STX8: variants seen among roughly 807,000 people sequenced by gnomAD.
STX8 encodes the protein syntaxin 8.
Under a neutral mutation model 37.5 loss-of-function variants are expected in STX8, and 23 were observed. The observed-to-expected ratio is 0.61, with a 90% CI of 0.44 to 0.87. The LOEUF is 0.87. Ranked by LOEUF, STX8 falls within the 40% of genes least tolerant of loss-of-function variation. The pLI is 0.00. For missense variants in STX8, 313 were observed against 284.7 expected, an observed-to-expected ratio of 1.10 and a Z score of -0.71; for synonymous variants, 115 against 99.1, an observed-to-expected ratio of 1.16 and a Z score of -0.95.
chr17:9,302,403 G>A (rs1315471799), intron 7 of STX8, among the ~76,000 whole-genome samples: 2 of 152,026 alleles, frequency 1.3e-5, no homozygotes, highest in Non-Finnish European at 2.9e-5. Flanking sequence ...CAAATGCACT[G>A]ACCTCTTAGT....
In STX8 at chr17:9,468,273, C is replaced by A. The variant is rs1226754237; in HGVS notation, c.541+23556G>T. Among the ~76,000 whole-genome samples, 27 of 152,034 alleles carry A rather than the reference C, an allele frequency of 1.8e-4. 1 individual carries two copies. The highest frequency in any genetic ancestry group is 1.0e-4 in the Non-Finnish European group (7 of 68,002). On this transcript the variant is annotated intron_variant, in intron 6 of 7. Transcript: ENST00000306357. Reference sequence around the variant, plus strand: ...TACAGGCGTGCACCACCGCACCCGGCTAATTTTTGTATTTTTAGTAAACAC... The same window carrying A: ...TACAGGCGTGCACCACCGCACCCGGATAATTTTTGTATTTTTAGTAAACAC...
chr17:9,469,426 C>T (rs1905756466), intron 6 of STX8, among the ~76,000 whole-genome samples: 1 of 151,940 alleles, frequency 6.6e-6, no homozygotes, highest in Admixed American at 6.6e-5. Context: ...TCTTCCTTTC[C>T]ATAGAAAACT....
chr17:9,420,338 G>C (rs1420411509), intron 6 of STX8, among the ~76,000 whole-genome samples: 1 of 152,134 alleles, frequency 6.6e-6, no homozygotes, highest in Non-Finnish European at 1.5e-5. Flanking sequence ...CTCAGCAGGT[G>C]TTCTCATCAA....
In STX8 at chr17:9,295,959, G is replaced by A. The variant is rs1433660713; in HGVS notation, c.644-45314C>T. On this transcript the variant is annotated intron_variant, in intron 7 of 7. Coordinates refer to ENST00000306357, the MANE Select transcript of STX8 (RefSeq NM_004853.3). ...TAATCCCAGCACTTTGGGAGGCCAA[G>A]GCGGGCGGATCACGAGGTCAGGAGA... Among the ~76,000 whole-genome samples the A allele has an allele frequency of 2.0e-5, 3 of 151,888 alleles. 1 individual carries two copies. The highest frequency in any genetic ancestry group is 7.2e-5 in the African/African-American group (3 of 41,424).
chr17:9,345,571 A>T (rs1242536244), intron 7 of STX8, among the ~76,000 whole-genome samples: 1 of 152,090 alleles, frequency 6.6e-6, no homozygotes, highest in East Asian at 1.9e-4. Flanking sequence ...ATATTTTTAA[A>T]ATTTTTTATT....
At chr17:9,547,024 C>T (rs568579410) in intron 3 of STX8, among the ~76,000 whole-genome samples, 8 of 151,210 alleles carry the variant, frequency 5.3e-5, no homozygotes, top group African/African-American at 1.2e-4. Flanking sequence ...CTGAAGTGGG[C>T]GGATCACAAG....
In STX8 at chr17:9,254,482, G is replaced by A. The variant is rs552741941; in HGVS notation, c.644-3837C>T. ...GTGATCTTGGCTCACTGCAGCCTCC[G>A]CCTCCTGGGTTCAAGCAATTCTCCT... is the stretch of plus-strand genomic sequence containing the variant. On this transcript the variant is annotated intron_variant, in intron 7 of 7. Transcript: ENST00000306357. Among the ~76,000 whole-genome samples, 9 of 151,844 alleles carry A rather than the reference G, an allele frequency of 5.9e-5. No individual in the cohort carries two copies. In the South Asian group the frequency reaches 8.3e-4, roughly 14 times the overall value.
chr17:9,358,294 C>G (rs1910948286), intron 7 of STX8, among the ~76,000 whole-genome samples: 1 of 152,166 alleles, frequency 6.6e-6, no homozygotes, highest in Non-Finnish European at 1.5e-5. Flanking sequence ...GATAGCTTAG[C>G]ACAGAGGTAT....
At chr17:9,476,825 T>C (rs1373435422) in intron 6 of STX8, among the ~76,000 whole-genome samples, 1 of 152,106 alleles carries the variant, frequency 6.6e-6, no homozygotes, top group Non-Finnish European at 1.5e-5. Context: ...GCCCTCTGCA[T>C]GTGTCTGTGT....
intron 4 of STX8, among the ~76,000 whole-genome samples, chr17:9,529,695 C>G (rs1255413135): frequency 6.6e-6 from 1 of 152,162 alleles, no homozygotes; most frequent in South Asian, 2.1e-4. Flanking sequence ...TGTCTGAGAT[C>G]CATCCATAGT....
intron 7 of STX8, among the ~76,000 whole-genome samples, chr17:9,315,326 T>C: frequency 6.6e-6 from 1 of 151,016 alleles, no homozygotes; most frequent in African/African-American, 2.4e-5. Context: ...TTTTGAGACT[T>C]GCTCCACTGC....
chr17:9,274,302 A>G (rs577438817), intron 7 of STX8, among the ~76,000 whole-genome samples: 1 of 152,268 alleles, frequency 6.6e-6, no homozygotes, highest in South Asian at 2.1e-4. Context: ...GGCTTTGTTC[A>G]TAACTTCCTG....
chr17:9,531,021 T>G (rs899771813), intron 4 of STX8, among the ~76,000 whole-genome samples: 1 of 152,246 alleles, frequency 6.6e-6, no homozygotes, highest in African/African-American at 2.4e-5. Context: ...GATTCATTTT[T>G]TTCCATGTGG....
intron 6 of STX8, among the ~76,000 whole-genome samples, chr17:9,411,586 A>G (rs1430669405): frequency 2.0e-5 from 3 of 152,238 alleles, no homozygotes; most frequent in Non-Finnish European, 2.9e-5. Context: ...CAAATTGCAC[A>G]TCGGAAAATT....
intron 7 of STX8, among the ~76,000 whole-genome samples, chr17:9,355,050 G>C (rs1910831818): frequency 6.6e-6 from 1 of 152,034 alleles, no homozygotes; most frequent in South Asian, 2.1e-4. Context: ...CCACCCCTAG[G>C]GAGGCAGAAA....
intron 6 of STX8, among the ~76,000 whole-genome samples, chr17:9,446,887 C>G (rs1904871987): frequency 6.6e-6 from 1 of 152,138 alleles, no homozygotes; most frequent in Non-Finnish European, 1.5e-5. Context: ...TATTATGCCA[C>G]CTGTATTGCA....
intron 6 of STX8, among the ~76,000 whole-genome samples, chr17:9,473,684 CAGTT>C (rs1199965343): frequency 3.9e-5 from 6 of 152,208 alleles, no homozygotes; most frequent in Admixed American, 6.5e-5. Flanking sequence ...ATTTGATTCT[CAGTT>C]GGTTGGATTC....
intron 6 of STX8, among the ~76,000 whole-genome samples, chr17:9,475,474 G>C (rs1906060126): frequency 6.6e-6 from 1 of 152,302 alleles, no homozygotes; most frequent in South Asian, 2.1e-4. Flanking sequence ...GTGGAGAGCT[G>C]TCTACAGAAC....
At chr17:9,372,450 CA>C (rs1355347785) in intron 7 of STX8, among the ~76,000 whole-genome samples, 3 of 151,912 alleles carry the variant, frequency 2.0e-5, no homozygotes, top group Non-Finnish European at 4.4e-5. Flanking sequence ...CTGGCTTTAT[CA>C]GATTAAAAAA....
Sources: allele counts gnomAD v4.1 joint callset (sites outside exome capture counted in the v4.1 genomes callset), GRCh38; gene constraint gnomAD v4.1.1; transcripts MANE v1.5; gene names NCBI Gene and HGNC (gene_info 2026-07-23, HGNC 2026-07-21).